The following CD207 variants were observed in gnomAD, a reference collection of about 807,000 sequenced individuals.
CD207 encodes the protein CD207 molecule, also known as C-type lectin domain family 4 member K.
A neutral mutation model predicts 31.6 loss-of-function variants in CD207; 28 were observed. The observed-to-expected ratio is 0.89, with a 90% CI of 0.66 to 1.21. The LOEUF is 1.21. CD207 is among the 50% of genes most tolerant of loss of function. The pLI is 0.00. For missense variants in CD207, 388 were observed against 397.8 expected, an observed-to-expected ratio of 0.98 and a Z score of 0.21; for synonymous variants, 168 against 153.9, an observed-to-expected ratio of 1.09 and a Z score of -0.68.
chr2:70,833,245 G>T (rs1677522458), intron 3 of CD207, among the ~76,000 whole-genome samples, 194 bp from the exon 4 acceptor site: 1 of 152,088 alleles, frequency 6.6e-6, no homozygotes, highest in African/African-American at 2.4e-5. Context: ...TAGAGTCTCT[G>T]GGACTGGAGA....
downstream of CD207, among the ~76,000 whole-genome samples, chr2:70,825,363 G>A (rs67637428): frequency 0.6 from 91,857 of 151,914 alleles, 28,253 homozygotes; most frequent in Middle Eastern, 0.7. Flanking sequence ...GAAAACCAAC[G>A]AAATCTGAAT....
At chr2:70,827,274 G>A (rs1197078351), downstream of CD207, among the ~76,000 whole-genome samples, 1 of 152,040 alleles carries the variant, frequency 6.6e-6, no homozygotes, top group Non-Finnish European at 1.5e-5. Context: ...AACACACTGA[G>A]TTTATCATAA....
chr2:70,833,121 CTTG>C, intron 3 of CD207, 70 bp from the exon 4 acceptor site: 1 of 1,489,142 alleles, frequency 6.7e-7, no homozygotes, highest in Non-Finnish European at 9.3e-7. Flanking sequence ...GGTGGGGGCA[CTTG>C]AATGAGGTCT....
downstream of CD207, among the ~76,000 whole-genome samples, chr2:70,826,712 C>G (rs1574390703): frequency 1.3e-5 from 2 of 152,280 alleles, no homozygotes; most frequent in African/African-American, 4.8e-5. Flanking sequence ...AGTTCTGCTT[C>G]TAACTTTAAA....
At chr2:70,832,463 CT>C (rs1677499656) in intron 4 of CD207, among the ~76,000 whole-genome samples, 1 of 152,192 alleles carries the variant, frequency 6.6e-6, no homozygotes, top group African/African-American at 2.4e-5. Flanking sequence ...ACAAATATTT[CT>C]TTTTTTCTGG....
chr2:70,825,213 C>T (rs1226443935), downstream of CD207, among the ~76,000 whole-genome samples: 1 of 152,164 alleles, frequency 6.6e-6, no homozygotes, highest in Non-Finnish European at 1.5e-5. Context: ...GACCAGTGGG[C>T]TCCTCAAAAC....
rs1469093146 is a variant in CD207, at chr2:70,832,955, T to G, written c.662A>C (p.Gln221Pro). 2.5e-6 allele frequency: 4 copies of G among 1,613,924 alleles called. No individual in the cohort carries two copies. Among genetic ancestry groups the G allele is most frequent in the Non-Finnish European group, 3.4e-6 (4 of 1,179,902 alleles). ...GTGTGAATTCCTGGACACACAGAAC[T>G]GCTCGGCACTATACCAGGTCTTTGG... ...LIPKTWYSAE[Q>P]FCVSRNSHLT... Residue 221 changes from glutamine to proline, a missense_variant, in exon 4 of 6, where the codon CAG becomes CCG. Coordinates refer to ENST00000410009, the MANE Select transcript of CD207 (RefSeq NM_015717.5).
chr2:70,825,438 A>G (rs1677320112), downstream of CD207, among the ~76,000 whole-genome samples: 1 of 152,232 alleles, frequency 6.6e-6, no homozygotes. Context: ...CTAATATAAG[A>G]TGTTAACAAT....
downstream of CD207, among the ~76,000 whole-genome samples, chr2:70,826,965 CT>C (rs1332972897): frequency 2.6e-5 from 4 of 152,170 alleles, no homozygotes; most frequent in African/African-American, 7.2e-5. Flanking sequence ...CCTCCTTGTC[CT>C]TCACATAAAA....
In CD207 at chr2:70,832,643, A is replaced by G. The variant is rs968688434; in HGVS notation, c.717+257T>C. Among the ~76,000 whole-genome samples the G allele has an allele frequency of 3.9e-5, 6 of 152,210 alleles. No homozygotes were observed. The East Asian group carries it at 7.7e-4, about 20-fold the overall frequency. ...AATCTGGGCAGAAGCTTTGCACAAT[A>G]TGTCAAGTTCCCCTTTCCTGCCCCA... On this transcript the variant is annotated intron_variant, in intron 4 of 5. Transcript: ENST00000410009.
In CD207 at chr2:70,831,707, C is replaced by G; in HGVS notation, c.830G>C (p.Ser277Thr). 1 of 1,607,724 alleles carries G rather than the reference C, an allele frequency of 6.2e-7. No homozygotes were observed. ...VDDTPFNKVQ[S>T]VRFWIPGEPN... ...GAGGGCTCCAGGGGCTTACCTCACA[C>G]TTTGGACCTTGTTGAATGGCGTGTC... Residue 277 changes from serine (S) to threonine (T), a missense_variant, in exon 5 of 6, where the codon AGT (serine) becomes ACT (threonine). Transcript: ENST00000410009.
At chr2:70,825,507 C>CT (rs1677321913), downstream of CD207, among the ~76,000 whole-genome samples, 1 of 152,110 alleles carries the variant, frequency 6.6e-6, no homozygotes, top group Admixed American at 6.5e-5. Flanking sequence ...CACAATTTTT[C>CT]TGTAAAGCTG....
At chr2:70,828,064 A>T (rs557731083), downstream of CD207, among the ~76,000 whole-genome samples, 1 of 152,338 alleles carries the variant, frequency 6.6e-6, no homozygotes, top group Admixed American at 6.5e-5. Context: ...ACTGAGAAAA[A>T]GTTCTCACCT....
chr2:70,834,191 G>A (rs561534679), intron 2 of CD207, among the ~76,000 whole-genome samples, 171 bp from the exon 3 acceptor site: 1 of 152,128 alleles, frequency 6.6e-6, no homozygotes, highest in Admixed American at 6.5e-5. Context: ...TACAACAAAC[G>A]TGCAATGGGC....
downstream of CD207, among the ~76,000 whole-genome samples, chr2:70,828,011 A>G (rs555874194): frequency 1.5e-4 from 23 of 152,344 alleles, no homozygotes; most frequent in South Asian, 3.1e-3. Flanking sequence ...CAGAAAAAAA[A>G]AGAAAGAAAA....
chr2:70,832,649 A>C (rs1677503302), intron 4 of CD207, among the ~76,000 whole-genome samples: 1 of 152,188 alleles, frequency 6.6e-6, no homozygotes, highest in African/African-American at 2.4e-5. Flanking sequence ...CAATATGTCA[A>C]GTTCCCCTTT....
At chr2:70,832,467 T>C (rs192444560) in intron 4 of CD207, among the ~76,000 whole-genome samples, 1 of 152,346 alleles carries the variant, frequency 6.6e-6, no homozygotes, top group East Asian at 1.9e-4. Context: ...ATATTTCTTT[T>C]TTTCTGGGCA....
intron 5 of CD207, among the ~76,000 whole-genome samples, chr2:70,831,482 T>C (rs1558627417): frequency 6.6e-6 from 1 of 152,128 alleles, no homozygotes; most frequent in East Asian, 1.9e-4. Flanking sequence ...GCTGGCCAGG[T>C]AGAAGGCCTT....
At chr2:70,824,622 CAAA>C in the CD207 span, among the ~76,000 whole-genome samples, 1 of 38,768 alleles carries the variant, frequency 2.6e-5, no homozygotes, top group Middle Eastern at 0.022. Context: ...GCTTAGTTAC[CAAA>C]AAAAAAAAAA....
Sources: gnomAD v4.1 joint callset for allele counts (sites outside exome capture counted in the v4.1 genomes callset) on GRCh38, gnomAD v4.1.1 for gene constraint, MANE v1.5 for transcripts, NCBI Gene and HGNC (gene_info 2026-07-23, HGNC 2026-07-21) for gene names.